SORCS2: variants seen among roughly 807,000 people sequenced by gnomAD.
SORCS2 encodes the protein VPS10 domain-containing receptor SorCS2.
SORCS2 carries 100 observed loss-of-function variants against 141.6 expected under a neutral mutation model. The ratio of observed to expected loss-of-function variants is 0.71; its 90% CI spans 0.60 to 0.83. The LOEUF (loss-of-function observed/expected upper bound fraction) is 0.83. SORCS2 is among the 40% of genes least tolerant of loss of function. SORCS2 has a pLI of 0.00. For synonymous variants in SORCS2, 789 were observed against 676.9 expected (o/e 1.17, Z -2.57); for missense variants, 1,646 against 1,560.2 (o/e 1.05, Z -0.93).
At position 7,616,252 on chromosome 4, in the gene SORCS2, C is replaced by T. The variant is rs554727550; in HGVS notation, c.649-22076C>T. Among the ~76,000 whole-genome samples the T allele has an allele frequency of 1.4e-4, 21 of 152,234 alleles. No individual in the cohort carries two copies. In the South Asian group the frequency reaches 4.2e-3, roughly 30 times the overall value. Reference sequence around the variant, plus strand: ...CTCCCACTCCTGGCTGAAAAAGGTGCCTCCTCTGAGTGCCGCTAGCCAACC... The same window carrying T: ...CTCCCACTCCTGGCTGAAAAAGGTGTCTCCTCTGAGTGCCGCTAGCCAACC... On this transcript the variant is annotated intron_variant, in intron 3 of 26. Transcript: ENST00000507866.
intron 2 of SORCS2, among the ~76,000 whole-genome samples, chr4:7,500,699 A>G (rs1731912972): frequency 2.0e-5 from 3 of 151,944 alleles, no homozygotes; most frequent in Admixed American, 2.0e-4. Flanking sequence ...GATAGAGAGG[A>G]ACCGGCTTTT....
intron 2 of SORCS2, among the ~76,000 whole-genome samples, chr4:7,421,523 A>C (rs1322151359): frequency 6.6e-6 from 1 of 152,180 alleles, no homozygotes; most frequent in Admixed American, 6.5e-5. Flanking sequence ...AGCCAGCGCC[A>C]GGGAATACTC....
chr4:7,252,661 C>A (rs1713585179), intron 1 of SORCS2, among the ~76,000 whole-genome samples: 2 of 152,182 alleles, frequency 1.3e-5, no homozygotes, highest in African/African-American at 4.8e-5. Flanking sequence ...TCACCCAAAC[C>A]AGGATGCTTC....
At chr4:7,675,484 G>C (rs1045032389) in intron 8 of SORCS2, among the ~76,000 whole-genome samples, 1 of 152,224 alleles carries the variant, frequency 6.6e-6, no homozygotes, top group Non-Finnish European at 1.5e-5. Context: ...ATGAATCCAC[G>C]GTGCCTCCCT....
chr4:7,509,613 G>T (rs6833734), intron 2 of SORCS2, among the ~76,000 whole-genome samples: 37,854 of 152,192 alleles, frequency 0.25, 5,269 homozygotes, highest in South Asian at 0.38. Flanking sequence ...CCCACAGGGG[G>T]CTGGGGTGAA....
chr4:7,360,158 G>T (rs950764062), intron 1 of SORCS2, among the ~76,000 whole-genome samples: 1 of 152,158 alleles, frequency 6.6e-6, no homozygotes, highest in South Asian at 2.1e-4. Context: ...TCATTGATCC[G>T]CCTACTCTGT....
intron 2 of SORCS2, among the ~76,000 whole-genome samples, chr4:7,417,093 C>T (rs1021294199): frequency 3.9e-5 from 6 of 152,202 alleles, no homozygotes; most frequent in East Asian, 3.9e-4. Context: ...GTGGGAAACA[C>T]GAGGAAACTG....
chr4:7,721,765 C>G (rs1002674396), intron 18 of SORCS2, among the ~76,000 whole-genome samples: 1 of 152,160 alleles, frequency 6.6e-6, no homozygotes, highest in East Asian at 1.9e-4. Flanking sequence ...TGTTAACCTC[C>G]TAGTCGTGAT....
intron 18 of SORCS2, among the ~76,000 whole-genome samples, chr4:7,719,779 T>C (rs941910744): frequency 5.3e-5 from 8 of 152,152 alleles, no homozygotes; most frequent in African/African-American, 4.8e-5. Flanking sequence ...GTCTCGGCAG[T>C]GCAGTCGCAT....
intron 2 of SORCS2, among the ~76,000 whole-genome samples, chr4:7,422,733 G>A (rs980029986): frequency 2.1e-4 from 32 of 152,186 alleles, no homozygotes; most frequent in East Asian, 1.4e-3. Flanking sequence ...TGGCACCGCC[G>A]TCTCTCGCCT....
At chr4:7,523,830 C>T (rs1733495751) in intron 2 of SORCS2, among the ~76,000 whole-genome samples, 3 of 152,166 alleles carry the variant, frequency 2.0e-5, no homozygotes, top group Non-Finnish European at 4.4e-5. Context: ...CCACCGTGTT[C>T]CTCGAAGCCG....
intron 13 of SORCS2, among the ~76,000 whole-genome samples, chr4:7,703,764 C>A (rs1022275040): frequency 6.6e-6 from 1 of 152,164 alleles, no homozygotes; most frequent in Non-Finnish European, 1.5e-5. Context: ...GGAGGGCAGG[C>A]GTGAACTCGG....
At chr4:7,490,092 G>T (rs923782527) in intron 2 of SORCS2, among the ~76,000 whole-genome samples, 1 of 152,182 alleles carries the variant, frequency 6.6e-6, no homozygotes, top group African/African-American at 2.4e-5. Context: ...GAGGGCCCTG[G>T]GCTGACACCC....
intron 1 of SORCS2, among the ~76,000 whole-genome samples, chr4:7,391,060 C>A (rs1723828433): frequency 6.6e-6 from 1 of 152,296 alleles, no homozygotes; most frequent in Middle Eastern, 3.4e-3. Context: ...GACCCTCCCG[C>A]AGTCTCCAAG....
At chr4:7,471,819 C>T (rs61643736) in intron 2 of SORCS2, among the ~76,000 whole-genome samples, 38,826 of 152,256 alleles carry the variant, frequency 0.26, 6,232 homozygotes, top group East Asian at 0.62. Context: ...ACCTTCAGGA[C>T]GCCCAGGCGG....
intron 2 of SORCS2, among the ~76,000 whole-genome samples, chr4:7,506,011 A>G (rs1191192545): frequency 6.6e-6 from 1 of 152,168 alleles, no homozygotes; most frequent in Admixed American, 6.5e-5. Context: ...GGGGGAACGC[A>G]TAGCCGTGCA....
chr4:7,222,874 G>A (rs1728793442), intron 1 of SORCS2, among the ~76,000 whole-genome samples: 1 of 152,104 alleles, frequency 6.6e-6, no homozygotes, highest in South Asian at 2.1e-4. Flanking sequence ...GCTGCAGGGA[G>A]GCTGGAAACC....
At chr4:7,416,659 T>C (rs774077855) in intron 2 of SORCS2, among the ~76,000 whole-genome samples, 1 of 151,486 alleles carries the variant, frequency 6.6e-6, no homozygotes, top group Non-Finnish European at 1.5e-5. Flanking sequence ...CATGCATGCA[T>C]GCACACACTT....
At chr4:7,520,207 C>A (rs1733237403) in intron 2 of SORCS2, among the ~76,000 whole-genome samples, 1 of 152,222 alleles carries the variant, frequency 6.6e-6, no homozygotes, top group Non-Finnish European at 1.5e-5. Context: ...GGTCTGGATG[C>A]AGCCTGGCAT....
Sources: gnomAD v4.1 joint callset for allele counts (sites outside exome capture counted in the v4.1 genomes callset) on GRCh38, gnomAD v4.1.1 for gene constraint, MANE v1.5 for transcripts, NCBI Gene and HGNC (gene_info 2026-07-23, HGNC 2026-07-21) for gene names.